The following SNTG1 variants were observed in gnomAD, a reference collection of about 807,000 sequenced individuals.
SNTG1 encodes the protein gamma-1-syntrophin.
SNTG1 carries 39 observed loss-of-function variants against 74.7 expected under a neutral mutation model. The ratio of observed to expected loss-of-function variants is 0.52; its 90% CI spans 0.40 to 0.68. The LOEUF (loss-of-function observed/expected upper bound fraction) is 0.68, where lower values mean the gene tolerates loss of function less well. Ranked by LOEUF, SNTG1 falls within the 30% of genes least tolerant of loss-of-function variation. The pLI, the probability that SNTG1 is intolerant of heterozygous loss-of-function variation, is 0.00. For missense variants in SNTG1, 685 were observed against 609.5 expected, an observed-to-expected ratio of 1.12 and a Z score of -1.30; for synonymous variants, 254 against 217.1, an observed-to-expected ratio of 1.17 and a Z score of -1.49.
At chr8:50,063,355 AT>A (rs2130950724) in intron 1 of SNTG1, among the ~76,000 whole-genome samples, 1 of 152,356 alleles carries the variant, frequency 6.6e-6, no homozygotes, top group Admixed American at 6.5e-5. Context: ...CACAATGGCA[AT>A]TTACTGTCAT....
At chr8:50,266,089 T>C (rs891610083) in intron 2 of SNTG1, among the ~76,000 whole-genome samples, 1 of 151,866 alleles carries the variant, frequency 6.6e-6, no homozygotes, top group Non-Finnish European at 1.5e-5. Context: ...GAGCTAATGC[T>C]AATATTCATG....
At chr8:50,274,549 T>A (rs920121620) in intron 2 of SNTG1, among the ~76,000 whole-genome samples, 11 of 152,226 alleles carry the variant, frequency 7.2e-5, no homozygotes, top group Non-Finnish European at 1.5e-4. Context: ...TTTCCTTTTC[T>A]TGACTTATTG....
At chr8:50,253,077 T>C (rs1482885656) in intron 2 of SNTG1, among the ~76,000 whole-genome samples, 1 of 152,016 alleles carries the variant, frequency 6.6e-6, no homozygotes, top group Non-Finnish European at 1.5e-5. Context: ...ACACCGTTGG[T>C]GGGACTGTAA....
intron 1 of SNTG1, among the ~76,000 whole-genome samples, chr8:50,078,987 T>A (rs964191847): frequency 2.6e-5 from 4 of 152,186 alleles, no homozygotes; most frequent in Non-Finnish European, 5.9e-5. Flanking sequence ...GTTCCAAGTC[T>A]TTGCTATTGT....
intron 1 of SNTG1, among the ~76,000 whole-genome samples, chr8:49,938,603 T>TTTTCTTTTC: frequency 1.7e-4 from 13 of 74,758 alleles, no homozygotes; most frequent in South Asian, 6.0e-4. Flanking sequence ...TTTTCTTTTC[T>TTTTCTTTTC]TTTCTTTCTT....
intron 8 of SNTG1, among the ~76,000 whole-genome samples, chr8:50,500,735 T>C (rs1348859596): frequency 1.3e-5 from 2 of 152,200 alleles, no homozygotes; most frequent in Non-Finnish European, 2.9e-5. Flanking sequence ...ATATATGTTT[T>C]AGAGCTGTTT....
At chr8:50,629,843 A>T (rs1256908987) in intron 13 of SNTG1, among the ~76,000 whole-genome samples, 1 of 152,138 alleles carries the variant, frequency 6.6e-6, no homozygotes, top group East Asian at 1.9e-4. Context: ...ACATCTTATA[A>T]CCCAAAACTA....
At position 50,796,649 on chromosome 8, in the gene SNTG1, A is replaced by C. The variant is rs1170788543; in HGVS notation, c.*3820A>C. The C allele has an allele frequency of 6.6e-6, 1 of 152,042 alleles. No individual in the cohort carries two copies. The highest frequency in any genetic ancestry group is 2.4e-5 in the African/African-American group (1 of 41,446). The allele number at this position is 152,042 out of a possible 1,614,324, so 9.4% of individuals were successfully genotyped here. A position where few individuals can be genotyped will look rare whatever the true frequency, so the allele number is the denominator to read the frequency against. On this transcript the variant is annotated 3_prime_UTR_variant, in exon 19 of 19. Coordinates refer to ENST00000642720, the MANE Select transcript of SNTG1 (RefSeq NM_018967.5). Reference sequence around the variant, plus strand: ...ACTACTAATGAAACCATACTTTTTTAAATGAAGCATACTGGAAAATAAAAA... The same window carrying C: ...ACTACTAATGAAACCATACTTTTTTCAATGAAGCATACTGGAAAATAAAAA...
chr8:50,124,263 G>A lies in SNTG1; in HGVS notation c.-102-48298G>A, dbSNP rs186671996. Among the ~76,000 whole-genome samples, 282 of 141,912 alleles carry A rather than the reference G, an allele frequency of 2.0e-3. 48 individuals carry two copies. The Middle Eastern group carries it at 0.038, about 19-fold the overall frequency. 93.1% of individuals were successfully genotyped at this position (141,912 alleles called of 152,430 possible). The stretch of plus-strand genomic sequence containing the variant: ...TGCAAGCCCGTGAGAAAGGCTTTGG[G>A]AGAAACCAACCCGCTGACACATCAG... On this transcript the variant is annotated intron_variant, in intron 1 of 18. Transcript: ENST00000642720.
At chr8:50,656,777 A>AG in intron 13 of SNTG1, 132 bp from the exon 14 acceptor site, 1 of 613,246 alleles carries the variant, frequency 1.6e-6, no homozygotes. Flanking sequence ...CAATTTGATA[A>AG]TTTTATGTGA....
intron 2 of SNTG1, among the ~76,000 whole-genome samples, chr8:50,341,873 A>G (rs1587221598): frequency 6.6e-6 from 1 of 152,046 alleles, no homozygotes; most frequent in East Asian, 1.9e-4. Flanking sequence ...GATAAAGTTA[A>G]CTTTTTATTC....
At chr8:50,464,047 T>C (rs2093589285) in intron 8 of SNTG1, among the ~76,000 whole-genome samples, 1 of 152,174 alleles carries the variant, frequency 6.6e-6, no homozygotes, top group Non-Finnish European at 1.5e-5. Flanking sequence ...GCTTCCAACT[T>C]TTCTTCTTCA....
chr8:50,074,896 C>T (rs536399082), intron 1 of SNTG1, among the ~76,000 whole-genome samples: 48 of 152,274 alleles, frequency 3.2e-4, no homozygotes, highest in African/African-American at 9.4e-4. Flanking sequence ...GTGCCCCGGC[C>T]GCACTCGCGG....
chr8:50,039,624 T>C (rs1284423584), intron 1 of SNTG1, among the ~76,000 whole-genome samples: 1 of 152,150 alleles, frequency 6.6e-6, no homozygotes, highest in Non-Finnish European at 1.5e-5. Flanking sequence ...CCCTATACAT[T>C]TCTCTAATTA....
chr8:50,103,354 C>G (rs2080225483), intron 1 of SNTG1, among the ~76,000 whole-genome samples: 1 of 152,134 alleles, frequency 6.6e-6, no homozygotes, highest in African/African-American at 2.4e-5. Context: ...TGATTTGGCT[C>G]TCTGTTTGTC....
At chr8:50,585,325 A>G (rs2094640947) in intron 12 of SNTG1, among the ~76,000 whole-genome samples, 1 of 152,162 alleles carries the variant, frequency 6.6e-6, no homozygotes. Flanking sequence ...CAGCCAGAGG[A>G]TTAATAGCTT....
At chr8:50,158,093 G>T (rs1477893762) in intron 1 of SNTG1, among the ~76,000 whole-genome samples, 1 of 152,038 alleles carries the variant, frequency 6.6e-6, no homozygotes, top group African/African-American at 2.4e-5. Context: ...TAGTTTGGGA[G>T]ACCTGGTCCA....
chr8:50,480,825 A>G (rs1486515618), intron 8 of SNTG1, among the ~76,000 whole-genome samples: 2 of 152,218 alleles, frequency 1.3e-5, no homozygotes, highest in Non-Finnish European at 2.9e-5. Flanking sequence ...AATATTAAAT[A>G]TTTCATTGAA....
At chr8:50,002,261 T>A (rs1814810790) in intron 1 of SNTG1, among the ~76,000 whole-genome samples, 1 of 152,318 alleles carries the variant, frequency 6.6e-6, no homozygotes, top group South Asian at 2.1e-4. Flanking sequence ...CGTGCTTTTG[T>A]TTAGCCATCG....
Sources: gnomAD v4.1 joint callset for allele counts (sites outside exome capture counted in the v4.1 genomes callset) on GRCh38, gnomAD v4.1.1 for gene constraint, MANE v1.5 for transcripts, NCBI Gene and HGNC (gene_info 2026-07-23, HGNC 2026-07-21) for gene names.